Variants in PPARGC1A observed in about 807,000 individuals in gnomAD.
PPARGC1A encodes peroxisome proliferator-activated receptor gamma coactivator 1-alpha.
In PPARGC1A, 25 loss-of-function variants were observed where a neutral mutation model predicts 88.7. The observed-to-expected ratio is 0.28, with a 90% CI of 0.21 to 0.39. The LOEUF is 0.39. Among genes scored for constraint, PPARGC1A ranks in the 10% least tolerant of loss-of-function variants. PPARGC1A has a pLI of 1.00. For synonymous variants in PPARGC1A, 363 were observed against 355.6 expected (o/e 1.02, Z -0.24); for missense variants, 880 against 968.7 (o/e 0.91, Z 1.22).
At chr4:23,846,797 A>G (rs1728407004) in intron 2 of PPARGC1A, among the ~76,000 whole-genome samples, 1 of 152,196 alleles carries the variant, frequency 6.6e-6, no homozygotes, top group Non-Finnish European at 1.5e-5. Flanking sequence ...TAAACAAAAT[A>G]AACAACTGTG....
chr4:24,176,631 G>C, the PPARGC1A span, among the ~76,000 whole-genome samples: 1 of 152,104 alleles, frequency 6.6e-6, no homozygotes, highest in East Asian at 1.9e-4. Flanking sequence ...TGCCAGACAT[G>C]GGACATGGGG....
At chr4:24,130,423 C>T in the PPARGC1A span, among the ~76,000 whole-genome samples, 1 of 152,156 alleles carries the variant, frequency 6.6e-6, no homozygotes, top group Non-Finnish European at 1.5e-5. Flanking sequence ...ATTTCTCCAG[C>T]CCATCACACT....
chr4:24,119,380 G>A, the PPARGC1A span, among the ~76,000 whole-genome samples: 6 of 151,958 alleles, frequency 3.9e-5, no homozygotes, highest in East Asian at 9.7e-4. Flanking sequence ...AAGACCTGGT[G>A]TTAGAAGGCA....
the PPARGC1A span, among the ~76,000 whole-genome samples, chr4:24,209,858 C>CTGAT: frequency 4.6e-5 from 7 of 152,166 alleles, no homozygotes; most frequent in Middle Eastern, 3.2e-3. Context: ...GAAAAGTTTA[C>CTGAT]TGATAGGAGC....
the PPARGC1A span, among the ~76,000 whole-genome samples, chr4:24,087,752 C>A: frequency 6.6e-6 from 1 of 152,212 alleles, no homozygotes; most frequent in Non-Finnish European, 1.5e-5. Context: ...GGGGCATTAA[C>A]TGTGCTACAG....
At chr4:23,862,736 A>C (rs1731438853) in intron 2 of PPARGC1A, among the ~76,000 whole-genome samples, 1 of 152,214 alleles carries the variant, frequency 6.6e-6, no homozygotes, top group Admixed American at 6.5e-5. Context: ...TATTATTGGC[A>C]AGAAGAAGCC....
the PPARGC1A span, among the ~76,000 whole-genome samples, chr4:24,007,364 G>A: frequency 6.6e-6 from 1 of 152,100 alleles, no homozygotes; most frequent in African/African-American, 2.4e-5. Context: ...AAACAGATGT[G>A]GCCCTTGTCC....
chr4:24,085,994 CA>C, the PPARGC1A span, among the ~76,000 whole-genome samples: 1 of 152,144 alleles, frequency 6.6e-6, no homozygotes, highest in Non-Finnish European at 1.5e-5. Context: ...CAGCTCTTGG[CA>C]CAGAGTAAGC....
chr4:24,434,641 A>G, the PPARGC1A span, among the ~76,000 whole-genome samples: 2 of 152,194 alleles, frequency 1.3e-5, no homozygotes, highest in African/African-American at 4.8e-5. Flanking sequence ...CTCAGACAGA[A>G]TAAGTGGCCC....
At chr4:24,232,876 A>C in the PPARGC1A span, among the ~76,000 whole-genome samples, 1 of 152,234 alleles carries the variant, frequency 6.6e-6, no homozygotes, top group Admixed American at 6.5e-5. Flanking sequence ...GCAGCTTCTA[A>C]CATATCTGCA....
intron 2 of PPARGC1A, among the ~76,000 whole-genome samples, chr4:23,852,933 A>C (rs1312260897): frequency 6.6e-6 from 1 of 152,212 alleles, no homozygotes; most frequent in Non-Finnish European, 1.5e-5. Flanking sequence ...TGCCCTAAAA[A>C]AAAACTATAA....
intron 2 of PPARGC1A, among the ~76,000 whole-genome samples, chr4:23,872,091 C>T (rs935860629): frequency 7.2e-5 from 11 of 152,162 alleles, no homozygotes; most frequent in African/African-American, 2.4e-4. Flanking sequence ...AAGCCACATA[C>T]ACCAAGTGTC....
intron 2 of PPARGC1A, among the ~76,000 whole-genome samples, chr4:23,862,449 C>G (rs1345822217): frequency 6.6e-6 from 1 of 151,970 alleles, no homozygotes; most frequent in South Asian, 2.1e-4. Context: ...AATTGGGAAG[C>G]AGTGTAAGGG....
the PPARGC1A span, among the ~76,000 whole-genome samples, chr4:24,192,925 A>G: frequency 2.6e-5 from 4 of 152,248 alleles, no homozygotes; most frequent in South Asian, 4.1e-4. Flanking sequence ...AAAGAAATCT[A>G]TTATCATTCA....
the PPARGC1A span, among the ~76,000 whole-genome samples, chr4:24,385,327 A>G: frequency 1.3e-5 from 2 of 152,180 alleles, no homozygotes; most frequent in African/African-American, 2.4e-5. Flanking sequence ...ATCACAATTG[A>G]AAGAACTAGA....
Position 23,847,186 on chromosome 4 carries a change from T to C in PPARGC1A, c.235-15435A>G, listed in dbSNP as rs376264353. ...GTAAAAGATTAAATAATAAAAACTT[T>C]GAGGAAAGGTGAGAATATTTGTTAT... On this transcript the variant is annotated intron_variant, in intron 2 of 12. Coordinates refer to ENST00000264867, the MANE Select transcript of PPARGC1A (RefSeq NM_013261.5). 1.2e-4 allele frequency among the ~76,000 whole-genome samples: 18 copies of C among 152,240 alleles called. No homozygotes were observed. In the East Asian group the frequency reaches 1.7e-3, roughly 15 times the overall value.
chr4:24,109,047 C>T, the PPARGC1A span, among the ~76,000 whole-genome samples: 1 of 148,422 alleles, frequency 6.7e-6, no homozygotes, highest in Non-Finnish European at 1.5e-5. Context: ...CACACACACA[C>T]ACACACACAC....
the PPARGC1A span, among the ~76,000 whole-genome samples, chr4:24,346,327 A>G: frequency 2.0e-5 from 3 of 151,920 alleles, no homozygotes; most frequent in Non-Finnish European, 4.4e-5. Flanking sequence ...TTCTTTCTCT[A>G]TCTTGTGGAA....
At chr4:24,155,947 G>A in the PPARGC1A span, among the ~76,000 whole-genome samples, 1 of 152,112 alleles carries the variant, frequency 6.6e-6, no homozygotes. Flanking sequence ...AAATGAGAAT[G>A]TATAGACCCC....
Sources: allele counts gnomAD v4.1 joint callset (sites outside exome capture counted in the v4.1 genomes callset), GRCh38; gene constraint gnomAD v4.1.1; transcripts MANE v1.5; gene names NCBI Gene and HGNC (gene_info 2026-07-23, HGNC 2026-07-21).